CBL: variants seen among roughly 807,000 people sequenced by gnomAD.
CBL encodes the protein E3 ubiquitin-protein ligase CBL.
CBL carries 45 observed loss-of-function variants against 96.9 expected under a neutral mutation model. That is an observed-to-expected ratio of 0.46 (90% CI 0.37 to 0.60). CBL has a LOEUF of 0.60. Ranked by LOEUF, CBL falls within the 20% of genes least tolerant of loss-of-function variation. The pLI, the probability that CBL is intolerant of heterozygous loss-of-function variation, is 0.00. For missense variants in CBL, 1,024 were observed against 1,143.5 expected, an observed-to-expected ratio of 0.90 and a Z score of 1.51; for synonymous variants, 420 against 426.8, an observed-to-expected ratio of 0.98 and a Z score of 0.20.
At chr11:119,248,613 A>T (rs1949648925) in intron 2 of CBL, among the ~76,000 whole-genome samples, 3 of 152,236 alleles carry the variant, frequency 2.0e-5, no homozygotes, top group South Asian at 2.1e-4. Flanking sequence ...CTTAAGTATG[A>T]CACCAAAAGC....
chr11:119,238,216 A>G lies in CBL; in HGVS notation c.443+5521A>G, dbSNP rs1323179994. The stretch of plus-strand genomic sequence containing the variant: ...AGAATCAGCCTGTCAATTTGATCCC[A>G]AATACAATTTTTTTTTTTTTAATAG... On this transcript the variant is annotated intron_variant, in intron 2 of 15. Transcript: ENST00000264033. Among the ~76,000 whole-genome samples the G allele has an allele frequency of 2.1e-5, 3 of 142,578 alleles. No homozygotes were observed. The Admixed American group carries it at 2.2e-4, about 10-fold the overall frequency. The allele number at this position is 142,578 out of a possible 152,430, so 93.5% of individuals were successfully genotyped here. A position where few individuals can be genotyped will look rare whatever the true frequency, so the allele number is the denominator to read the frequency against.
In CBL at chr11:119,206,344, C is replaced by A. The variant is rs566696741; in HGVS notation, c.-74C>A. ...GCGGCCGGGAGAGGCCCCTCCTTCA[C>A]GCCCTGCTTCTCTCCCTCGCTCGCA... On this transcript the variant is annotated 5_prime_UTR_variant, in exon 1 of 16. Transcript: ENST00000264033. 7.3e-6 allele frequency: 9 copies of A among 1,229,256 alleles called. No homozygotes were observed. In the East Asian group the frequency reaches 1.5e-4, roughly 21 times the overall value. 76.1% of individuals were successfully genotyped at this position (1,229,256 alleles called of 1,614,324 possible).
Position 119,285,256 on chromosome 11 carries a change from CA to C in CBL, c.1632del (p.Pro545HisfsTer70). The C allele has an allele frequency of 6.2e-7, 1 of 1,614,164 alleles. No individual in the cohort carries two copies. The highest frequency in any genetic ancestry group is 8.5e-7 in the Non-Finnish European group (1 of 1,180,038). ...CCTCCCACACTTCGAGATCTTCCAC[CA>C]CCACCGCCTCCAGACCGGCCATATT... ...PVPPTLRDLP[P>X]PPPPDRPYSV... On this transcript the variant is annotated frameshift_variant, in exon 11 of 16. Coordinates refer to ENST00000264033, the MANE Select transcript of CBL (RefSeq NM_005188.4). LOFTEE classifies it high-confidence loss of function.
At chr11:119,236,352 G>T (rs946896765) in intron 2 of CBL, among the ~76,000 whole-genome samples, 6 of 151,138 alleles carry the variant, frequency 4.0e-5, no homozygotes, top group Non-Finnish European at 4.4e-5. Flanking sequence ...GTTTTTTTTT[G>T]TGTGTCTTCT....
rs1434190718 is a variant in CBL at position 119,302,076 on chromosome 11, G to A, written c.*2295G>A. The A allele has an allele frequency of 1.3e-5, 3 of 232,876 alleles. No individual in the cohort carries two copies. Among genetic ancestry groups the A allele is most frequent in the South Asian group, 1.8e-4 (1 of 5,522 alleles). The allele number at this position is 232,876 out of a possible 1,614,324, so 14.4% of individuals were successfully genotyped here. Reference sequence around the variant, plus strand: ...CTCCCTACTGTGTAGGTTAAGGGCAGTCTCGACTTTTCCTTTTTTGAGTCC... The same window carrying A: ...CTCCCTACTGTGTAGGTTAAGGGCAATCTCGACTTTTCCTTTTTTGAGTCC... On this transcript the variant is annotated 3_prime_UTR_variant, in exon 16 of 16. Coordinates refer to ENST00000264033, the MANE Select transcript of CBL (RefSeq NM_005188.4).
intron 12 of CBL, among the ~76,000 whole-genome samples, chr11:119,289,176 A>G (rs1241006028): frequency 2.2e-4 from 33 of 152,184 alleles, no homozygotes; most frequent in Non-Finnish European, 1.5e-5. Context: ...GTAGCATTCT[A>G]TATAAGTTAA....
intron 2 of CBL, among the ~76,000 whole-genome samples, chr11:119,256,716 C>G (rs12271199): frequency 0.031 from 4,644 of 150,484 alleles, 252 homozygotes; most frequent in African/African-American, 0.11. Flanking sequence ...CCTCCCTGCC[C>G]TCCCACCTCC....
intron 2 of CBL, among the ~76,000 whole-genome samples, chr11:119,269,431 C>G (rs1262174590): frequency 6.6e-6 from 1 of 151,886 alleles, no homozygotes; most frequent in African/African-American, 2.4e-5. Context: ...TCTCAAACTC[C>G]TGACCTCAAG....
intron 12 of CBL, 95 bp from the exon 13 acceptor site, chr11:119,296,823 A>G (rs1354199790): frequency 4.1e-6 from 3 of 725,206 alleles, no homozygotes; most frequent in South Asian, 1.5e-5. Context: ...GCTCTGTTCA[A>G]TTTGAGTTAT....
At position 119,301,362 on chromosome 11, in the gene CBL, G is replaced by A. The variant is rs985042927; in HGVS notation, c.*1581G>A. The A allele has an allele frequency of 2.1e-5, 5 of 233,096 alleles. No individual in the cohort carries two copies. Among genetic ancestry groups the A allele is most frequent in the African/African-American group, 6.6e-5 (3 of 45,328 alleles). The allele number at this position is 233,096 out of a possible 1,614,324, so 14.4% of individuals were successfully genotyped here. The stretch of plus-strand genomic sequence containing the variant: ...TATATGCTGATAAATGATCCCTCGA[G>A]TTCAGTTAGTATTCTGTCCAGAGTG... On this transcript the variant is annotated 3_prime_UTR_variant, in exon 16 of 16. Coordinates refer to ENST00000264033, the MANE Select transcript of CBL (RefSeq NM_005188.4).
chr11:119,261,392 A>G (rs1340885488), intron 2 of CBL, among the ~76,000 whole-genome samples: 1 of 152,212 alleles, frequency 6.6e-6, no homozygotes, highest in African/African-American at 2.4e-5. Flanking sequence ...ATCGATGTCT[A>G]AGTTACATAC....
chr11:119,230,610 G>C (rs1446134187), intron 1 of CBL, among the ~76,000 whole-genome samples: 4 of 152,320 alleles, frequency 2.6e-5, no homozygotes, highest in Middle Eastern at 3.4e-3. Flanking sequence ...TTGGGAAGTT[G>C]AGGAGAGCTG....
intron 2 of CBL, among the ~76,000 whole-genome samples, chr11:119,237,913 C>T (rs1949557277): frequency 6.6e-6 from 1 of 152,080 alleles, no homozygotes; most frequent in African/African-American, 2.4e-5. Context: ...ACTCTGTCAC[C>T]CAGGCTGGAG....
Position 119,206,348 on chromosome 11 carries a change from C to G in CBL, c.-70C>G, listed in dbSNP as rs965944164. On this transcript the variant is annotated 5_prime_UTR_variant, in exon 1 of 16. Coordinates refer to ENST00000264033, the MANE Select transcript of CBL (RefSeq NM_005188.4). Reference sequence around the variant, plus strand: ...CCGGGAGAGGCCCCTCCTTCACGCCCTGCTTCTCTCCCTCGCTCGCAGTCG... The same window carrying G: ...CCGGGAGAGGCCCCTCCTTCACGCCGTGCTTCTCTCCCTCGCTCGCAGTCG... 2 of 1,279,048 alleles carry G rather than the reference C, an allele frequency of 1.6e-6. No individual in the cohort carries two copies. Among genetic ancestry groups the G allele is most frequent in the East Asian group, 3.0e-5 (1 of 33,590 alleles). 79.2% of individuals were successfully genotyped at this position (1,279,048 alleles called of 1,614,324 possible).
At chr11:119,290,704 CT>C (rs1367459469) in intron 12 of CBL, among the ~76,000 whole-genome samples, 5 of 150,390 alleles carry the variant, frequency 3.3e-5, no homozygotes, top group Admixed American at 3.3e-4. Flanking sequence ...GAGACAGAGT[CT>C]TGCTCTGTCA....
intron 4 of CBL, 87 bp downstream of exon 4, chr11:119,274,111 G>C (rs1949869830): frequency 9.4e-7 from 1 of 1,061,558 alleles, no homozygotes; most frequent in Non-Finnish European, 1.4e-6. Context: ...ATAACATTTG[G>C]GGTTTTTGTC....
intron 2 of CBL, among the ~76,000 whole-genome samples, chr11:119,257,086 C>G (rs983910424): frequency 1.3e-5 from 2 of 152,202 alleles, no homozygotes; most frequent in Non-Finnish European, 2.9e-5. Flanking sequence ...GGTAGATACC[C>G]AGTGGTGGGC....
intron 2 of CBL, among the ~76,000 whole-genome samples, chr11:119,264,475 C>CTCTTT (rs769691063): frequency 4.0e-4 from 58 of 145,020 alleles, no homozygotes; most frequent in Non-Finnish European, 7.1e-4. Flanking sequence ...TTCTTCTTTT[C>CTCTTT]TCTTTTCTTT....
chr11:119,236,318 A>C (rs1019295793), intron 2 of CBL, among the ~76,000 whole-genome samples: 6 of 151,574 alleles, frequency 4.0e-5, no homozygotes, highest in Non-Finnish European at 7.4e-5. Flanking sequence ...GTTAAGTGGA[A>C]TCACATAACG....
Sources: allele counts gnomAD v4.1 joint callset (sites outside exome capture counted in the v4.1 genomes callset), GRCh38; gene constraint gnomAD v4.1.1; transcripts MANE v1.5; gene names NCBI Gene and HGNC (gene_info 2026-07-23, HGNC 2026-07-21).